CFAP77: variants seen among roughly 807,000 people sequenced by gnomAD.
CFAP77 encodes the protein cilia- and flagella-associated protein 77.
Under a neutral mutation model 31.1 loss-of-function variants are expected in CFAP77, and 25 were observed. That is an observed-to-expected ratio of 0.80 (90% CI 0.59 to 1.12). The LOEUF (loss-of-function observed/expected upper bound fraction) is 1.12. CFAP77 is among the 50% of genes most tolerant of loss of function. CFAP77 has a pLI of 0.00. For synonymous variants in CFAP77, 151 were observed against 159.9 expected (o/e 0.94, Z 0.42); for missense variants, 377 against 397.3 (o/e 0.95, Z 0.44).
intron 1 of CFAP77, among the ~76,000 whole-genome samples, chr9:132,450,779 G>C (rs952970790): frequency 6.6e-6 from 1 of 152,232 alleles, no homozygotes; most frequent in Non-Finnish European, 1.5e-5. Context: ...AGACCATGTG[G>C]CTGCAGAGAG....
intron 3 of CFAP77, among the ~76,000 whole-genome samples, chr9:132,532,142 C>T (rs1852463936): frequency 6.6e-6 from 1 of 152,234 alleles, no homozygotes; most frequent in Non-Finnish European, 1.5e-5. Flanking sequence ...AGCAGCACCA[C>T]AGGCTGCTGT....
chr9:132,566,650 C>G (rs1270181957), intron 5 of CFAP77, among the ~76,000 whole-genome samples: 2 of 152,200 alleles, frequency 1.3e-5, no homozygotes, highest in East Asian at 1.9e-4. Flanking sequence ...TCTCCCTTCT[C>G]TTTCTAAAGG....
At chr9:132,413,075 C>T (rs1039634836) in intron 1 of CFAP77, among the ~76,000 whole-genome samples, 3 of 152,040 alleles carry the variant, frequency 2.0e-5, no homozygotes, top group Non-Finnish European at 4.4e-5. Flanking sequence ...GACTATAGCA[C>T]CTTAGAAATA....
At position 132,455,561 on chromosome 9, in the gene CFAP77, C is replaced by G. The variant is rs1295708007; in HGVS notation, c.196-43134C>G. ...CCTGGGCAACATGGCGAGACCCTATCTCTACTAAAAATACAAAAAAATAGC... is the reference window on the plus strand; with the variant it reads ...CCTGGGCAACATGGCGAGACCCTATGTCTACTAAAAATACAAAAAAATAGC... On this transcript the variant is annotated intron_variant, in intron 1 of 5. Transcript: ENST00000393216. The surrounding 1 kb of genome is among the most constrained non-coding windows in gnomAD (Gnocchi z 4.1). Among the ~76,000 whole-genome samples the G allele has an allele frequency of 6.6e-6, 1 of 151,442 alleles. No homozygotes were observed. The highest frequency in any genetic ancestry group is 1.5e-5 in the Non-Finnish European group (1 of 67,912).
intron 5 of CFAP77, among the ~76,000 whole-genome samples, chr9:132,561,458 G>A (rs971431044): frequency 7.2e-5 from 11 of 152,058 alleles, no homozygotes; most frequent in African/African-American, 1.2e-4. Flanking sequence ...TGGCCAGTGC[G>A]TGGGGAGGGG....
At chr9:132,439,457 C>T (rs117605686) in intron 1 of CFAP77, among the ~76,000 whole-genome samples, 10,653 of 152,134 alleles carry the variant, frequency 0.07, 496 homozygotes, top group South Asian at 0.11. Flanking sequence ...AGCCCTGAGC[C>T]GAGAGATCCA....
chr9:132,534,183 C>CA (rs1564243867), intron 3 of CFAP77, among the ~76,000 whole-genome samples: 1 of 152,164 alleles, frequency 6.6e-6, no homozygotes, highest in East Asian at 1.9e-4. Flanking sequence ...AGCTCCCCAT[C>CA]AGCCTCCACC....
At chr9:132,556,951 C>T (rs1049203947) in intron 5 of CFAP77, among the ~76,000 whole-genome samples, 2 of 152,188 alleles carry the variant, frequency 1.3e-5, no homozygotes, top group African/African-American at 4.8e-5. Flanking sequence ...CAGGCCCGGG[C>T]CCTGTTGGGT....
intron 3 of CFAP77, among the ~76,000 whole-genome samples, chr9:132,529,791 A>C (rs1174625466): frequency 6.6e-6 from 1 of 150,562 alleles, no homozygotes; most frequent in Non-Finnish European, 1.5e-5. Flanking sequence ...GCACCACTGC[A>C]CTCCAGCCTG....
At chr9:132,521,476 G>A (rs754010809) in intron 3 of CFAP77, among the ~76,000 whole-genome samples, 5 of 152,180 alleles carry the variant, frequency 3.3e-5, no homozygotes, top group Non-Finnish European at 4.4e-5. Flanking sequence ...TCCCTGCTCC[G>A]TGGAGCTCAG....
intron 1 of CFAP77, among the ~76,000 whole-genome samples, chr9:132,435,878 A>C (rs927479273): frequency 3.9e-4 from 60 of 152,340 alleles, no homozygotes; most frequent in African/African-American, 1.4e-3. Context: ...GGACCAGTGA[A>C]AGAAACACAG....
intron 3 of CFAP77, among the ~76,000 whole-genome samples, chr9:132,516,564 C>T (rs748339487): frequency 9.4e-5 from 14 of 148,250 alleles, no homozygotes; most frequent in Non-Finnish European, 1.6e-4. Flanking sequence ...ATACATAAAA[C>T]AACACATGAT....
intron 1 of CFAP77, among the ~76,000 whole-genome samples, chr9:132,477,907 A>G (rs1424809477): frequency 1.3e-5 from 2 of 152,208 alleles, no homozygotes; most frequent in African/African-American, 4.8e-5. Flanking sequence ...GGGCCCTGCC[A>G]CAGCTGCCTG....
chr9:132,553,746 G>A (rs371465031), intron 5 of CFAP77, among the ~76,000 whole-genome samples: 15 of 152,304 alleles, frequency 9.8e-5, no homozygotes, highest in African/African-American at 1.7e-4. Context: ...TAGGCTCCAC[G>A]GTCTCCACCA....
At chr9:132,445,422 T>G (rs1327746601) in intron 1 of CFAP77, among the ~76,000 whole-genome samples, 2 of 152,224 alleles carry the variant, frequency 1.3e-5, no homozygotes, top group African/African-American at 4.8e-5. Context: ...ACTTTATTCC[T>G]TTTTAGGGAT....
rs1387160353 is a variant in CFAP77, at chr9:132,459,420, G to GGAGTGTGT, written c.196-39274_196-39273insAGTGTGTG. On this transcript the variant is annotated intron_variant, in intron 1 of 5. Coordinates refer to ENST00000393216, the MANE Select transcript of CFAP77 (RefSeq NM_001282957.2). ...CACCTAATGTGGCCTGGATGAATAG[G>GGAGTGTGT]GTGTGTGTGTGTGTGTGTGTGTGTG... Among the ~76,000 whole-genome samples, 103 of 143,974 alleles carry GGAGTGTGT rather than the reference G, an allele frequency of 7.2e-4. 2 individuals carry two copies. The East Asian group carries it at 0.019, about 27-fold the overall frequency. 94.5% of individuals were successfully genotyped at this position (143,974 alleles called of 152,430 possible). A position where few individuals can be genotyped will look rare whatever the true frequency, so the allele number is the denominator to read the frequency against.
intron 3 of CFAP77, among the ~76,000 whole-genome samples, chr9:132,500,605 AACT>A (rs879711921): frequency 8.5e-5 from 13 of 152,234 alleles, no homozygotes; most frequent in Non-Finnish European, 2.9e-5. Context: ...ACACTCAAGC[AACT>A]ACTACTGAGA....
chr9:132,558,313 G>A (rs948107936), intron 5 of CFAP77, among the ~76,000 whole-genome samples: 1 of 152,152 alleles, frequency 6.6e-6, no homozygotes, highest in Non-Finnish European at 1.5e-5. Flanking sequence ...ATACTATCAA[G>A]AAAATAAAAA....
rs1381686795 is a variant in CFAP77, at chr9:132,564,409, A to T, written c.733-7979A>T. ...GTGAGGATTACTTCAGCACCAAAGA[A>T]ATTGAATTAGAAATCAGTAACAAAC... is the stretch of plus-strand genomic sequence containing the variant. On this transcript the variant is annotated intron_variant, in intron 5 of 5. Coordinates refer to ENST00000393216, the MANE Select transcript of CFAP77 (RefSeq NM_001282957.2). The surrounding 1 kb of genome is among the most constrained non-coding windows in gnomAD (Gnocchi z 4.6). 6.6e-6 allele frequency among the ~76,000 whole-genome samples: 1 copy of T among 152,230 alleles called. No individual in the cohort carries two copies. Among genetic ancestry groups the T allele is most frequent in the Non-Finnish European group, 1.5e-5 (1 of 68,048 alleles).
Sources: allele counts gnomAD v4.1 joint callset (sites outside exome capture counted in the v4.1 genomes callset), GRCh38; gene constraint gnomAD v4.1.1; non-coding constraint Gnocchi (gnomAD v3.1); transcripts MANE v1.5; gene names NCBI Gene and HGNC (gene_info 2026-07-23, HGNC 2026-07-21).